The following CCDC171 variants were observed in gnomAD, a reference collection of about 807,000 sequenced individuals.
The protein encoded by CCDC171 is coiled-coil domain-containing protein 171.
A neutral mutation model predicts 168.2 loss-of-function variants in CCDC171; 177 were observed. That is an observed-to-expected ratio of 1.05 (90% CI 0.93 to 1.19). CCDC171 has a LOEUF of 1.19. Among genes scored for constraint, CCDC171 ranks in the 50% most tolerant of loss-of-function variants. The pLI, the probability that CCDC171 is intolerant of heterozygous loss-of-function variation, is 0.00. For missense variants in CCDC171, 1,991 were observed against 1,539.0 expected (o/e 1.29, Z -4.91); for synonymous variants, 687 against 540.8 (o/e 1.27, Z -3.75).
At chr9:16,041,824 C>T (rs10738427), upstream of CCDC171, among the ~76,000 whole-genome samples, 61,909 of 151,948 alleles carry the variant, frequency 0.41, 14,117 homozygotes, top group East Asian at 0.73. Flanking sequence ...AATGACCAAC[C>T]TTCATTCTTT....
the CCDC171 span, among the ~76,000 whole-genome samples, chr9:16,098,469 T>A: frequency 6.6e-6 from 1 of 152,198 alleles, no homozygotes; most frequent in African/African-American, 2.4e-5. Context: ...AGAAGGAGAA[T>A]AAGAAAGCTG....
intron 11 of CCDC171, among the ~76,000 whole-genome samples, chr9:15,715,090 C>G (rs1391339098): frequency 6.6e-6 from 1 of 152,212 alleles, no homozygotes; most frequent in African/African-American, 2.4e-5. Flanking sequence ...TGCTGTTAAT[C>G]TTTGCCTTCT....
chr9:16,050,617 T>C (rs1833735332), intron 1 of CCDC171, among the ~76,000 whole-genome samples: 1 of 152,274 alleles, frequency 6.6e-6, no homozygotes, highest in Non-Finnish European at 1.5e-5. Context: ...TAATTCGTTT[T>C]ATGCACTTTT....
Position 15,821,089 on chromosome 9 carries a change from A to C in CCDC171, c.3268-25613A>C, listed in dbSNP as rs1464960324. On this transcript the variant is annotated intron_variant, in intron 21 of 25. Transcript: ENST00000380701. ...AAACAGACCCAAAGACAAAAATCAC[A>C]TGATTATCTCAATAGATGCAGAAAA... Among the ~76,000 whole-genome samples, 36 of 117,866 alleles carry C rather than the reference A, an allele frequency of 3.1e-4. 12 individuals carry two copies. Among genetic ancestry groups the C allele is most frequent in the African/African-American group, 1.1e-3 (36 of 31,450 alleles). The allele number at this position is 117,866 out of a possible 152,430, so 77.3% of individuals were successfully genotyped here.
chr9:16,068,758 C>T, the CCDC171 span, among the ~76,000 whole-genome samples: 1 of 151,850 alleles, frequency 6.6e-6, no homozygotes, highest in African/African-American at 2.4e-5. Context: ...TGGGGTCATA[C>T]GATGTATTCT....
intron 18 of CCDC171, chr9:15,776,230 A>G (rs1481238836): frequency 6.6e-6 from 1 of 152,184 alleles, no homozygotes; most frequent in Non-Finnish European, 1.5e-5. Flanking sequence ...GCGCAGGGCC[A>G]TGCTAATCTT....
chr9:16,033,918 A>C (rs1833413668), intron 6 of CCDC171, among the ~76,000 whole-genome samples: 1 of 152,224 alleles, frequency 6.6e-6, no homozygotes, highest in Non-Finnish European at 1.5e-5. Context: ...TGGTGCCCAC[A>C]CAGGGAGCTC....
chr9:15,769,428 G>A (rs969158938), intron 18 of CCDC171, among the ~76,000 whole-genome samples: 3 of 152,130 alleles, frequency 2.0e-5, no homozygotes, highest in Admixed American at 6.5e-5. Context: ...CTGGGGGAAC[G>A]GTCTGTGGAC....
the CCDC171 span, among the ~76,000 whole-genome samples, chr9:16,074,890 G>C: frequency 6.6e-6 from 1 of 152,212 alleles, no homozygotes; most frequent in Non-Finnish European, 1.5e-5. Flanking sequence ...ACTTTATTCT[G>C]AGGGTGGCAG....
chr9:15,979,306 T>C (rs1453455530), intron 3 of CCDC171, among the ~76,000 whole-genome samples: 2 of 152,208 alleles, frequency 1.3e-5, no homozygotes, highest in Non-Finnish European at 2.9e-5. Flanking sequence ...TTGTCTCAGC[T>C]ATAATCTTCA....
intron 1 of CCDC171, among the ~76,000 whole-genome samples, chr9:16,047,150 G>A (rs1202723884): frequency 6.6e-6 from 1 of 152,306 alleles, no homozygotes; most frequent in East Asian, 1.9e-4. Context: ...CTGATCTCCA[G>A]CTCAGACCCT....
At chr9:16,058,867 C>A (rs1223876958) in intron 1 of CCDC171, among the ~76,000 whole-genome samples, 4 of 152,342 alleles carry the variant, frequency 2.6e-5, no homozygotes, top group Admixed American at 1.3e-4. Flanking sequence ...ACAATCCCAG[C>A]GTAAGCTCAA....
intron 3 of CCDC171, among the ~76,000 whole-genome samples, chr9:16,020,027 G>T (rs1833120003): frequency 6.6e-6 from 1 of 152,152 alleles, no homozygotes; most frequent in Non-Finnish European, 1.5e-5. Context: ...AACCCCAGTG[G>T]AAGCTTAAAA....
intron 25 of CCDC171, among the ~76,000 whole-genome samples, chr9:15,931,195 A>G (rs889680403): frequency 6.6e-6 from 1 of 151,584 alleles, no homozygotes; most frequent in Non-Finnish European, 1.5e-5. Context: ...CTACTTTACA[A>G]CCCTACCAAC....
At chr9:15,824,731 C>T (rs1223459976) in intron 21 of CCDC171, among the ~76,000 whole-genome samples, 2 of 152,080 alleles carry the variant, frequency 1.3e-5, no homozygotes, top group African/African-American at 2.4e-5. Flanking sequence ...TGGTACCTTT[C>T]TATTAATCTT....
chr9:15,927,598 C>G (rs747924016), intron 25 of CCDC171, among the ~76,000 whole-genome samples: 3 of 151,584 alleles, frequency 2.0e-5, no homozygotes, highest in Admixed American at 6.6e-5. Context: ...GAGGACCATT[C>G]CATTAGTGTC....
chr9:15,628,100 C>T lies in CCDC171; in HGVS notation c.822+4687C>T, dbSNP rs1276963041. On this transcript the variant is annotated intron_variant, in intron 7 of 25. Transcript: ENST00000380701. ...TGTCTACAGCTCCCAGCGTGAGCGA[C>T]GCAGAAGACGGGTGATTTCTGCATT... Among the ~76,000 whole-genome samples, 8 of 152,264 alleles carry T rather than the reference C, an allele frequency of 5.3e-5. No homozygotes were observed. In the South Asian group the frequency reaches 6.2e-4, roughly 12 times the overall value.
At chr9:15,938,504 T>G (rs1827352640) in intron 25 of CCDC171, among the ~76,000 whole-genome samples, 1 of 151,916 alleles carries the variant, frequency 6.6e-6, no homozygotes, top group Non-Finnish European at 1.5e-5. Context: ...GGTCTATGGT[T>G]AAGGCCTTTT....
chr9:15,719,120 A>G (rs902094341), intron 11 of CCDC171, among the ~76,000 whole-genome samples: 1 of 151,768 alleles, frequency 6.6e-6, no homozygotes, highest in Non-Finnish European at 1.5e-5. Flanking sequence ...CCTATCAGAT[A>G]AATTTAACAA....
Sources: allele counts gnomAD v4.1 joint callset (sites outside exome capture counted in the v4.1 genomes callset), GRCh38; gene constraint gnomAD v4.1.1; transcripts MANE v1.5; gene names NCBI Gene and HGNC (gene_info 2026-07-23, HGNC 2026-07-21).